Variants in RAB3C observed in about 807,000 individuals in gnomAD.
RAB3C encodes the protein ras-related protein Rab-3C.
In RAB3C, 17 loss-of-function variants were observed where a neutral mutation model predicts 26.4. The observed-to-expected ratio is 0.64, with a 90% CI of 0.44 to 0.97. The LOEUF (loss-of-function observed/expected upper bound fraction) is 0.97, where lower values mean the gene tolerates loss of function less well. Ranked by LOEUF, RAB3C falls within the 50% of genes least tolerant of loss-of-function variation. The pLI, the probability that RAB3C is intolerant of heterozygous loss-of-function variation, is 0.00. For missense variants in RAB3C, 242 were observed against 281.9 expected, an observed-to-expected ratio of 0.86 and a Z score of 1.01; for synonymous variants, 91 against 95.9, an observed-to-expected ratio of 0.95 and a Z score of 0.30.
chr5:58,693,347 T>TATATATATATATATATATACAC (rs1173401450), intron 2 of RAB3C, among the ~76,000 whole-genome samples: 11 of 137,852 alleles, frequency 8.0e-5, no homozygotes, highest in African/African-American at 3.3e-4. Context: ...TATATATATA[T>TATATATATATATATATATACAC]ATATATATAT....
intron 3 of RAB3C, among the ~76,000 whole-genome samples, chr5:58,767,687 A>G (rs1022837357): frequency 5.3e-5 from 8 of 152,156 alleles, no homozygotes; most frequent in African/African-American, 1.9e-4. Context: ...TTCGTTAGGT[A>G]CTCAGTGGAT....
At chr5:58,647,507 T>C (rs1160358392) in intron 2 of RAB3C, 1 of 151,968 alleles carries the variant, frequency 6.6e-6, no homozygotes, top group Non-Finnish European at 1.5e-5. Flanking sequence ...CCTCGACACG[T>C]GGGGATTATG....
At chr5:58,742,575 C>T (rs1251793240) in intron 3 of RAB3C, among the ~76,000 whole-genome samples, 1 of 152,170 alleles carries the variant, frequency 6.6e-6, no homozygotes, top group African/African-American at 2.4e-5. Context: ...TTCCTAATTG[C>T]ATATCAAATA....
intron 3 of RAB3C, among the ~76,000 whole-genome samples, chr5:58,776,686 T>C (rs929365882): frequency 1.3e-5 from 2 of 152,158 alleles, no homozygotes; most frequent in Non-Finnish European, 2.9e-5. Context: ...CAAATCTTAA[T>C]GGCTTAGCAC....
chr5:58,751,476 T>C (rs1741522653), intron 3 of RAB3C, among the ~76,000 whole-genome samples: 1 of 152,094 alleles, frequency 6.6e-6, no homozygotes, highest in African/African-American at 2.4e-5. Flanking sequence ...GAAAGCAGAT[T>C]ATAGATAGAT....
At chr5:58,715,457 G>T (rs1015858717) in intron 2 of RAB3C, among the ~76,000 whole-genome samples, 22 of 145,924 alleles carry the variant, frequency 1.5e-4, no homozygotes, top group African/African-American at 6.2e-4. Flanking sequence ...ATTAATGAAG[G>T]AAGAAGAAGA....
At position 58,610,194 on chromosome 5, in the gene RAB3C, C is replaced by CTGTGTGTGTGTGTGTGTGTGTGTGTGTG. The variant is rs1168785442; in HGVS notation, c.25-7447_25-7420dup. On this transcript the variant is annotated intron_variant, in intron 1 of 4. Transcript: ENST00000282878. ...TCAGAAAAAAATGATTTTTGTTTTT[C>CTGTGTGTGTGTGTGTGTGTGTGTGTGTG]TGTGTGTGTGTGTGTGTGTGTGTGT... Among the ~76,000 whole-genome samples, 697 of 143,460 alleles carry CTGTGTGTGTGTGTGTGTGTGTGTGTGTG rather than the reference C, an allele frequency of 4.9e-3. 7 individuals carry two copies. Among genetic ancestry groups the CTGTGTGTGTGTGTGTGTGTGTGTGTGTG allele is most frequent in the Non-Finnish European group, 6.8e-3 (455 of 66,508 alleles). 94.1% of individuals were successfully genotyped at this position (143,460 alleles called of 152,430 possible).
At chr5:58,799,340 T>C (rs879300270) in intron 3 of RAB3C, among the ~76,000 whole-genome samples, 8 of 152,098 alleles carry the variant, frequency 5.3e-5, no homozygotes, top group Non-Finnish European at 1.2e-4. Context: ...TCTACTTGTC[T>C]ACAGGCTTTA....
At chr5:58,694,974 C>G (rs1748664807) in intron 2 of RAB3C, among the ~76,000 whole-genome samples, 1 of 152,120 alleles carries the variant, frequency 6.6e-6, no homozygotes, top group Admixed American at 6.6e-5. Flanking sequence ...GTCGCCGTTG[C>G]TTTCGGTGTT....
At chr5:58,689,284 C>T (rs1015427845) in intron 2 of RAB3C, 1 of 152,024 alleles carries the variant, frequency 6.6e-6, no homozygotes, top group African/African-American at 2.4e-5. Flanking sequence ...ACTTATCCTG[C>T]TCCCTGGTGC....
Position 58,639,793 on chromosome 5 carries a change from C to T in RAB3C, c.252+21923C>T, listed in dbSNP as rs79300752. Among the ~76,000 whole-genome samples the T allele has an allele frequency of 8.8e-3, 1,347 of 152,292 alleles. 15 individuals are homozygous for T. The highest frequency in any genetic ancestry group is 0.031 in the African/African-American group (1,304 of 41,554). On this transcript the variant is annotated intron_variant, in intron 2 of 4. Transcript: ENST00000282878. ...CCACAAGTTCCCTCCTCAGGCTCCA[C>T]TTTTAAAGGAACTCAAATTCAAATA...
intron 2 of RAB3C, among the ~76,000 whole-genome samples, chr5:58,715,844 T>A (rs1749159317): frequency 6.6e-6 from 1 of 151,876 alleles, no homozygotes; most frequent in South Asian, 2.1e-4. Context: ...GCTCGCCACA[T>A]GAAGAAGAAA....
At chr5:58,682,764 G>A (rs1271016344) in intron 2 of RAB3C, among the ~76,000 whole-genome samples, 5 of 151,846 alleles carry the variant, frequency 3.3e-5, no homozygotes, top group African/African-American at 1.2e-4. Context: ...ACTATTATGA[G>A]GGAAGTGTAA....
At chr5:58,724,397 GT>G (rs574969546) in intron 2 of RAB3C, among the ~76,000 whole-genome samples, 159 of 151,666 alleles carry the variant, frequency 1.0e-3, no homozygotes, top group South Asian at 6.1e-3. Flanking sequence ...TACAAAGCAG[GT>G]TTTTTTATTC....
At chr5:58,711,362 C>T (rs1749059197) in intron 2 of RAB3C, among the ~76,000 whole-genome samples, 1 of 152,184 alleles carries the variant, frequency 6.6e-6, no homozygotes, top group Non-Finnish European at 1.5e-5. Flanking sequence ...TAGCATATTA[C>T]ACTTTACAGA....
At chr5:58,609,210 T>C (rs1397324336) in intron 1 of RAB3C, among the ~76,000 whole-genome samples, 2 of 152,120 alleles carry the variant, frequency 1.3e-5, no homozygotes, top group East Asian at 3.9e-4. Context: ...AAACCTGAAC[T>C]ATAATTGCAT....
In RAB3C at chr5:58,664,175, A is replaced by G. The variant is rs1747958240; in HGVS notation, c.252+46305A>G. ...TTTTCATAGAAATCTGTACGTACGT[A>G]TTTATAACAGCATTATTTTTAATAG... is the stretch of plus-strand genomic sequence containing the variant. On this transcript the variant is annotated intron_variant, in intron 2 of 4. Coordinates refer to ENST00000282878, the MANE Select transcript of RAB3C (RefSeq NM_138453.4). 4.6e-5 allele frequency among the ~76,000 whole-genome samples: 7 copies of G among 152,192 alleles called. 1 individual carries two copies. The South Asian group carries it at 1.4e-3, about 31-fold the overall frequency.
chr5:58,616,625 A>G lies in RAB3C; in HGVS notation c.25-1018A>G, dbSNP rs573775450. Among the ~76,000 whole-genome samples the G allele has an allele frequency of 6.6e-4, 101 of 152,300 alleles. 1 individual carries two copies. The highest frequency in any genetic ancestry group is 2.4e-3 in the African/African-American group (98 of 41,578). ...TTCTATTTTATGCTAGATGCTTTAC[A>G]TATCGCTTTACAGCTGTATCATCTA... On this transcript the variant is annotated intron_variant, in intron 1 of 4. Coordinates refer to ENST00000282878, the MANE Select transcript of RAB3C (RefSeq NM_138453.4).
chr5:58,632,553 G>A (rs779270686), intron 2 of RAB3C, among the ~76,000 whole-genome samples: 3 of 152,310 alleles, frequency 2.0e-5, no homozygotes, highest in Admixed American at 6.5e-5. Flanking sequence ...ATGATGGATC[G>A]GGGAAGGGGC....
Sources: gnomAD v4.1 joint callset for allele counts (sites outside exome capture counted in the v4.1 genomes callset) on GRCh38, gnomAD v4.1.1 for gene constraint, MANE v1.5 for transcripts, NCBI Gene and HGNC (gene_info 2026-07-23, HGNC 2026-07-21) for gene names.